The following BBX variants were observed in gnomAD, a reference collection of about 807,000 sequenced individuals.
The protein encoded by BBX is BBX high mobility group box domain containing.
BBX carries 30 observed loss-of-function variants against 100.2 expected under a neutral mutation model. That is an observed-to-expected ratio of 0.30 (90% CI 0.22 to 0.41). The LOEUF (loss-of-function observed/expected upper bound fraction) is 0.41, where lower values mean the gene tolerates loss of function less well. Among genes scored for constraint, BBX ranks in the 10% least tolerant of loss-of-function variants. BBX has a pLI of 1.00. For synonymous variants in BBX, 376 were observed against 388.1 expected, an observed-to-expected ratio of 0.97 and a Z score of 0.37; for missense variants, 1,023 against 1,129.8, an observed-to-expected ratio of 0.91 and a Z score of 1.35.
At chr3:107,794,002 T>A (rs1453728883) in intron 15 of BBX, among the ~76,000 whole-genome samples, 1 of 152,114 alleles carries the variant, frequency 6.6e-6, no homozygotes, top group Non-Finnish European at 1.5e-5. Flanking sequence ...TTAAAAAAAA[T>A]TGTCCACAGG....
intron 6 of BBX, 125 bp downstream of exon 6, chr3:107,729,085 T>A: frequency 1.1e-6 from 1 of 948,378 alleles, no homozygotes; most frequent in Non-Finnish European, 1.6e-6. Context: ...GGCAAAGATA[T>A]AGCATATTTT....
At chr3:107,625,205 A>T (rs563965662) in intron 2 of BBX, among the ~76,000 whole-genome samples, 1 of 152,018 alleles carries the variant, frequency 6.6e-6, no homozygotes, top group Non-Finnish European at 1.5e-5. Flanking sequence ...TTATCTCTAC[A>T]TGATTCATTT....
At chr3:107,781,335 C>T (rs2067867322) in intron 13 of BBX, among the ~76,000 whole-genome samples, 1 of 151,976 alleles carries the variant, frequency 6.6e-6, no homozygotes, top group Non-Finnish European at 1.5e-5. Flanking sequence ...ATGAAAATAA[C>T]TTTAAAGGCC....
chr3:107,706,312 C>G, intron 3 of BBX, among the ~76,000 whole-genome samples: 1 of 152,120 alleles, frequency 6.6e-6, no homozygotes, highest in East Asian at 1.9e-4. Context: ...CGTGAGCCAC[C>G]ACGCCCGGTT....
chr3:107,645,768 T>C (rs1214205522), intron 2 of BBX, 68 bp from the exon 3 acceptor site: 4 of 152,628 alleles, frequency 2.6e-5, no homozygotes, highest in African/African-American at 9.6e-5. Context: ...AGAGAATGAG[T>C]GTCAGCTTTA....
intron 2 of BBX, among the ~76,000 whole-genome samples, chr3:107,613,815 A>T (rs187958935): frequency 2.6e-5 from 4 of 152,014 alleles, no homozygotes; most frequent in African/African-American, 9.7e-5. Context: ...TACACGGCAC[A>T]TTGCAACAGT....
rs1320715846 is a variant in BBX, at chr3:107,773,434, T to A, written c.1713T>A (p.Gly571=). 6.2e-7 allele frequency: 1 copy of A among 1,613,916 alleles called. No individual in the cohort carries two copies. Among genetic ancestry groups the A allele is most frequent in the African/African-American group, 1.3e-5 (1 of 74,884 alleles). ...ACATTTCTGGTGAGACACCAGAGGGTATAAAAGCAGAACCATTGACCCCTA... is the reference window on the plus strand; with the variant it reads ...ACATTTCTGGTGAGACACCAGAGGGAATAAAAGCAGAACCATTGACCCCTA... ...SKNISGETPE[G]IKAEPLTPME... is the part of the protein sequence containing the mutation. The change falls in exon 11 of 18, where the codon GGT becomes GGA. Residue 571 remains glycine, a synonymous_variant. Transcript: ENST00000325805. This position sits in a 1 kb window ranked among gnomAD's most constrained non-coding sequence, Gnocchi z 4.1.
intron 2 of BBX, among the ~76,000 whole-genome samples, chr3:107,561,379 G>C (rs777326779): frequency 2.4e-4 from 37 of 152,100 alleles, no homozygotes; most frequent in Admixed American, 5.9e-4. Flanking sequence ...ATTCTATATC[G>C]ATCTATATGC....
intron 2 of BBX, among the ~76,000 whole-genome samples, chr3:107,557,909 C>A (rs1663784097): frequency 6.6e-6 from 1 of 152,182 alleles, no homozygotes; most frequent in Non-Finnish European, 1.5e-5. Flanking sequence ...GGGGGGAAAG[C>A]AGGATGAGGA....
At chr3:107,631,166 G>A (rs1053790649) in intron 2 of BBX, among the ~76,000 whole-genome samples, 1 of 152,176 alleles carries the variant, frequency 6.6e-6, no homozygotes, top group African/African-American at 2.4e-5. Context: ...CTGGACAGGA[G>A]TCTTTTCCAT....
Position 107,716,614 on chromosome 3 carries a change from T to C in BBX, c.170T>C (p.Leu57Pro). The change falls in exon 5 of 18, where the codon CTT (leucine) becomes CCT (proline). Residue 57 changes from leucine to proline, a missense_variant. Leu to Pro is a moderately conservative substitution (Grantham distance 98, BLOSUM62 -3). This residue lies in a region of BBX where 229 missense variants were observed against 226.3 expected (regional missense o/e 1.01). Transcript: ENST00000325805. ...TGTTTTTGGTGGTAATAGGTTCAAC[T>C]TCTTGGGGCCGATGGCCTAGAGCAA... ...DEEEDIDKVQLLGADGLEQDV... is the reference protein window; with the variant it reads ...DEEEDIDKVQPLGADGLEQDV... The C allele has an allele frequency of 6.2e-7, 1 of 1,613,550 alleles. No individual in the cohort carries two copies. The highest frequency in any genetic ancestry group is 8.5e-7 in the Non-Finnish European group (1 of 1,179,568).
At chr3:107,530,563 T>G (rs1487765382) in intron 2 of BBX, among the ~76,000 whole-genome samples, 1 of 152,106 alleles carries the variant, frequency 6.6e-6, no homozygotes, top group Non-Finnish European at 1.5e-5. Flanking sequence ...TAAAACAAAC[T>G]CCTGGAACAG....
intron 3 of BBX, among the ~76,000 whole-genome samples, chr3:107,647,543 C>A (rs6437738): frequency 0.13 from 19,067 of 152,152 alleles, 1,435 homozygotes; most frequent in Middle Eastern, 0.19. Flanking sequence ...AGACTGCATA[C>A]TTTCTAGCTG....
intron 2 of BBX, among the ~76,000 whole-genome samples, chr3:107,534,081 T>C (rs2048336967): frequency 6.6e-6 from 1 of 152,240 alleles, no homozygotes; most frequent in Admixed American, 6.5e-5. Context: ...TGATTTGTTA[T>C]GGTAAGACTT....
At chr3:107,745,654 A>G (rs981086783) in intron 8 of BBX, among the ~76,000 whole-genome samples, 5 of 151,628 alleles carry the variant, frequency 3.3e-5, no homozygotes, top group African/African-American at 7.3e-5. Context: ...GGGTCTCACT[A>G]TGTTGCCCAG....
At chr3:107,749,070 G>A (rs866301680) in intron 9 of BBX, among the ~76,000 whole-genome samples, 4 of 151,918 alleles carry the variant, frequency 2.6e-5, no homozygotes, top group African/African-American at 7.3e-5. Context: ...CGGTTGGCCT[G>A]CTTATGTATT....
intron 7 of BBX, among the ~76,000 whole-genome samples, chr3:107,740,439 C>T (rs1264985684): frequency 6.6e-6 from 1 of 152,002 alleles, no homozygotes; most frequent in Non-Finnish European, 1.5e-5. Flanking sequence ...TGGAGTCTCA[C>T]ATCTCAAATG....
intron 15 of BBX, among the ~76,000 whole-genome samples, chr3:107,793,824 A>G (rs1418360408): frequency 6.6e-6 from 1 of 152,116 alleles, no homozygotes; most frequent in African/African-American, 2.4e-5. Flanking sequence ...TTTTCTTTAT[A>G]CTGCCCTGTG....
At chr3:107,530,006 G>A (rs1192981555) in intron 2 of BBX, among the ~76,000 whole-genome samples, 1 of 152,162 alleles carries the variant, frequency 6.6e-6, no homozygotes, top group Non-Finnish European at 1.5e-5. Flanking sequence ...ATTACCAAAT[G>A]TACCAAAATG....
Sources: allele counts gnomAD v4.1 joint callset (sites outside exome capture counted in the v4.1 genomes callset), GRCh38; gene constraint gnomAD v4.1.1; regional missense constraint gnomAD v4.1.1; non-coding constraint Gnocchi (gnomAD v3.1); transcripts MANE v1.5; gene names NCBI Gene and HGNC (gene_info 2026-07-23, HGNC 2026-07-21).